XPOT: variants seen among roughly 807,000 people sequenced by gnomAD.
The protein encoded by XPOT is exportin for tRNA.
XPOT carries 34 observed loss-of-function variants against 128.2 expected under a neutral mutation model. That is an observed-to-expected ratio of 0.27 (90% confidence interval 0.20 to 0.35). XPOT has a LOEUF of 0.35. Ranked by LOEUF, XPOT falls within the 10% of genes least tolerant of loss-of-function variation. The pLI is 1.00. For synonymous variants in XPOT, 348 were observed against 394.3 expected (o/e 0.88, Z 1.39); for missense variants, 838 against 1,125.3 (o/e 0.74, Z 3.65).
At chr12:64,447,699 C>G (rs1335699754) in intron 24 of XPOT, among the ~76,000 whole-genome samples, 1 of 152,168 alleles carries the variant, frequency 6.6e-6, no homozygotes, top group East Asian at 1.9e-4. Flanking sequence ...AGGCTGATCT[C>G]AAACTCCTGG....
intron 18 of XPOT, among the ~76,000 whole-genome samples, chr12:64,432,298 T>C (rs1592336241): frequency 6.6e-6 from 1 of 151,918 alleles, no homozygotes; most frequent in African/African-American, 2.4e-5. Flanking sequence ...TAGGCTGGAG[T>C]GCAGTGGCGC....
chr12:64,422,123 A>G (rs560749870), intron 9 of XPOT, among the ~76,000 whole-genome samples: 3 of 152,152 alleles, frequency 2.0e-5, no homozygotes, highest in Non-Finnish European at 4.4e-5. Flanking sequence ...ATTTTTTACA[A>G]TTAAAGTTTC....
intron 16 of XPOT, among the ~76,000 whole-genome samples, chr12:64,428,421 A>G (rs973664888): frequency 5.9e-5 from 9 of 152,214 alleles, no homozygotes; most frequent in African/African-American, 1.7e-4. Context: ...GTATATTAAA[A>G]ATTTTAAAAA....
Position 64,426,023 on chromosome 12 carries a change from T to G in XPOT, c.1667+114T>G. On this transcript the variant is annotated intron_variant, in intron 15 of 24. Transcript: ENST00000332707. Reference sequence around the variant, plus strand: ...AGGTGCCCATCAGTGGTGGATTAGATAAAGAAAATGTAGGCCAGGTATGGT... The same window carrying G: ...AGGTGCCCATCAGTGGTGGATTAGAGAAAGAAAATGTAGGCCAGGTATGGT... The G allele has an allele frequency of 2.1e-6, 2 of 974,136 alleles. 1 individual carries two copies. The highest frequency in any genetic ancestry group is 3.2e-6 in the Non-Finnish European group (2 of 627,222). The allele number at this position is 974,136 out of a possible 1,614,324, so 60.3% of individuals were successfully genotyped here. A position where few individuals can be genotyped will look rare whatever the true frequency, so the allele number is the denominator to read the frequency against.
chr12:64,410,222 G>A, intron 2 of XPOT, 127 bp downstream of exon 2: 2 of 748,232 alleles, frequency 2.7e-6, no homozygotes, highest in Non-Finnish European at 2.2e-6. Context: ...AAAATTTGAG[G>A]TATTTGAATA....
chr12:64,447,643 T>C (rs554636531), intron 24 of XPOT, among the ~76,000 whole-genome samples: 11 of 152,280 alleles, frequency 7.2e-5, no homozygotes, highest in African/African-American at 2.2e-4. Flanking sequence ...CACACCCGGC[T>C]AATTTTTTCT....
intron 9 of XPOT, among the ~76,000 whole-genome samples, chr12:64,421,757 C>T (rs1275174291): frequency 6.6e-6 from 1 of 151,246 alleles, no homozygotes; most frequent in Non-Finnish European, 1.5e-5. Context: ...TTGAAATTTT[C>T]ATAAGCATGG....
chr12:64,448,049 G>C, intron 24 of XPOT, 56 bp from the exon 25 acceptor site: 14 of 1,516,408 alleles, frequency 9.2e-6, no homozygotes, highest in Non-Finnish European at 1.3e-5. Context: ...CCATTCTTCA[G>C]GTGAAAGTGA....
intron 24 of XPOT, among the ~76,000 whole-genome samples, chr12:64,447,089 C>T (rs1175631114): frequency 6.6e-6 from 1 of 152,150 alleles, no homozygotes. Flanking sequence ...GGGAGACTCC[C>T]ATTTTTAAAA....
chr12:64,424,780 G>A, intron 12 of XPOT, 57 bp downstream of exon 12: 1 of 1,587,870 alleles, frequency 6.3e-7, no homozygotes, highest in Non-Finnish European at 8.6e-7. Flanking sequence ...TCTTTGATAT[G>A]GGTCAAAATA....
At chr12:64,440,234 T>C (rs536724018) in intron 23 of XPOT, among the ~76,000 whole-genome samples, 1 of 152,328 alleles carries the variant, frequency 6.6e-6, no homozygotes, top group Non-Finnish European at 1.5e-5. Context: ...TTATCTCTCT[T>C]TTTGTGACTG....
At chr12:64,428,162 T>C (rs1208651073) in intron 16 of XPOT, 42 bp downstream of exon 16, 1 of 1,372,106 alleles carries the variant, frequency 7.3e-7, no homozygotes, top group East Asian at 2.3e-5. Context: ...CAGAATTCAT[T>C]GAAGCCACAC....
chr12:64,410,146 T>G (rs758885838), intron 2 of XPOT, 51 bp downstream of exon 2: 1 of 1,561,384 alleles, frequency 6.4e-7, no homozygotes, highest in East Asian at 2.2e-5. Flanking sequence ...CAGATTGGCA[T>G]TAGAGGACTT....
intron 16 of XPOT, among the ~76,000 whole-genome samples, chr12:64,429,836 G>A (rs2136028037): frequency 6.6e-6 from 1 of 152,256 alleles, no homozygotes; most frequent in East Asian, 1.9e-4. Flanking sequence ...CATTTATAGA[G>A]TCTTGTCAGG....
chr12:64,447,661 G>A (rs1057507226), intron 24 of XPOT, among the ~76,000 whole-genome samples: 1 of 152,038 alleles, frequency 6.6e-6, no homozygotes, highest in Non-Finnish European at 1.5e-5. Context: ...TCTATTTTGA[G>A]TAAAGACTGG....
chr12:64,425,046 A>G lies in XPOT; in HGVS notation c.1316A>G (p.Gln439Arg), dbSNP rs748565285. 1.1e-5 allele frequency: 17 copies of G among 1,612,496 alleles called. No individual in the cohort carries two copies. The highest frequency in any genetic ancestry group is 2.1e-4 in the Middle Eastern group (1 of 4,734). Reference protein sequence around the residue: ...RVFSSTLQNWQTTRFMEVEVA... With the variant: ...RVFSSTLQNWRTTRFMEVEVA... ...ATATTATACCTTGGTAGGAATTGGC[A>G]GACTACACGGTTTATGGAAGTTGAA... Residue 439 changes from glutamine to arginine, a missense_variant, in exon 13 of 25, where the codon CAG (glutamine) becomes CGG (arginine). Transcript: ENST00000332707.
intron 24 of XPOT, among the ~76,000 whole-genome samples, chr12:64,447,042 T>C (rs1300154085): frequency 1.3e-5 from 2 of 152,136 alleles, no homozygotes; most frequent in African/African-American, 2.4e-5. Flanking sequence ...GGTCACATCT[T>C]ACGTGGATGG....
chr12:64,423,683 G>C (rs902426060), intron 11 of XPOT, among the ~76,000 whole-genome samples: 1 of 152,090 alleles, frequency 6.6e-6, no homozygotes, highest in African/African-American at 2.4e-5. Flanking sequence ...TGAACTCCTG[G>C]CCTCAAGTGA....
intron 21 of XPOT, 111 bp downstream of exon 21, chr12:64,435,020 G>GATTTCAGA (rs1361770093): frequency 4.5e-6 from 4 of 885,614 alleles, no homozygotes; most frequent in Admixed American, 2.8e-5. Context: ...TTAACTTAGT[G>GATTTCAGA]ATTTCAGATC....
Sources: allele counts gnomAD v4.1 joint callset (sites outside exome capture counted in the v4.1 genomes callset), GRCh38; gene constraint gnomAD v4.1.1; transcripts MANE v1.5; gene names NCBI Gene and HGNC (gene_info 2026-07-23, HGNC 2026-07-21).